The following KMT2C variants were observed in gnomAD, a reference collection of about 807,000 sequenced individuals.
The protein encoded by KMT2C is lysine methyltransferase 2C, also known as histone-lysine N-methyltransferase 2C.
In KMT2C, 88 loss-of-function variants were observed where a neutral mutation model predicts 507.9. The observed-to-expected ratio is 0.17, with a 90% confidence interval of 0.15 to 0.21. KMT2C has a LOEUF of 0.21. Among genes scored for constraint, KMT2C ranks in the 10% least tolerant of loss-of-function variants. The pLI is 1.00. For missense variants in KMT2C, 4,954 were observed against 5,957.8 expected (o/e 0.83, Z 5.55); for synonymous variants, 2,049 against 2,080.8 (o/e 0.98, Z 0.42).
chr7:152,181,754 G>T lies in KMT2C; in HGVS notation c.6106C>A (p.Leu2036Ile), dbSNP rs2129120284. 1 of 1,614,120 alleles carries T rather than the reference G, an allele frequency of 6.2e-7. No individual in the cohort carries two copies. Among genetic ancestry groups the T allele is most frequent in the Non-Finnish European group, 8.5e-7 (1 of 1,180,020 alleles). The change falls in exon 36 of 59, where the codon CTT becomes ATT. Residue 2036 changes from leucine (L) to isoleucine (I), a missense_variant. Transcript: ENST00000262189. The stretch of plus-strand genomic sequence containing the variant: ...TTAAAAGGTCCAGGACCACTATCAA[G>T]AGGTGCAGGTGTCAACAAGGGTCGT... ...YARPLLTPAP[L>I]DSGPGPFKTP...
Position 152,154,109 on chromosome 7 carries a change from T to G in KMT2C, c.12177A>C (p.Pro4059=), listed in dbSNP as rs932688264. The G allele has an allele frequency of 1.9e-6, 3 of 1,614,062 alleles. No individual in the cohort carries two copies. The African/African-American group carries it at 4.0e-5, about 22-fold the overall frequency. ...AAGGTGACGCAAAATATAAAGTGCC[T>G]GGCTCAGTTTTGATGTCATTCCTTC... The part of the protein sequence containing the change: ...ESRRNDIKTE[P]GTLYFASPFG... Residue 4059 remains proline (P), a synonymous_variant, in exon 48 of 59, where the codon CCA becomes CCC. Coordinates refer to ENST00000262189, the MANE Select transcript of KMT2C (RefSeq NM_170606.3).
chr7:152,281,409 C>G (rs1410089609), intron 6 of KMT2C, among the ~76,000 whole-genome samples: 1 of 152,092 alleles, frequency 6.6e-6, no homozygotes, highest in Non-Finnish European at 1.5e-5. Flanking sequence ...TTGCCAGCAG[C>G]TAAGCCAAGT....
intron 2 of KMT2C, among the ~76,000 whole-genome samples, chr7:152,344,721 CT>C: frequency 6.6e-6 from 1 of 152,286 alleles, no homozygotes; most frequent in Middle Eastern, 3.4e-3. Flanking sequence ...GGCATGGTGG[CT>C]CACGCCTGTA....
intron 6 of KMT2C, among the ~76,000 whole-genome samples, chr7:152,297,051 A>AGAC (rs2096514603): frequency 1.3e-4 from 8 of 60,272 alleles, no homozygotes; most frequent in African/African-American, 4.7e-4. Context: ...GAAAGAAAGA[A>AGAC]AGACAGAGAG....
At position 152,138,883 on chromosome 7, in the gene KMT2C, T is replaced by C; in HGVS notation, c.14556A>G (p.Ala4852=). The change falls in exon 58 of 59, where the codon GCA becomes GCG. Residue 4852 remains alanine, a synonymous_variant. Coordinates refer to ENST00000262189, the MANE Select transcript of KMT2C (RefSeq NM_170606.3). This position sits in a 1 kb window ranked among gnomAD's most constrained non-coding sequence, Gnocchi z 4.2. ...TCACCACTTCAGCCACACAATTAGG[T>C]GCACACGAATGGTTGATATACCTGC... ...GPARYINHSC[A]PNCVAEVVTF... is the part of the protein sequence containing the mutation. 1.2e-6 allele frequency: 2 copies of C among 1,613,790 alleles called. No individual in the cohort carries two copies. The highest frequency in any genetic ancestry group is 1.1e-5 in the South Asian group (1 of 91,066).
intron 6 of KMT2C, among the ~76,000 whole-genome samples, chr7:152,309,398 A>G (rs1347527793): frequency 1.4e-5 from 2 of 146,974 alleles, no homozygotes; most frequent in African/African-American, 5.1e-5. Flanking sequence ...ATCATGGCTC[A>G]CTGCAACCTC....
chr7:152,430,386 A>C (rs2097854465), intron 1 of KMT2C, among the ~76,000 whole-genome samples: 1 of 152,166 alleles, frequency 6.6e-6, no homozygotes, highest in Admixed American at 6.5e-5. Flanking sequence ...AAGTAAAGGC[A>C]AACACAAACT....
chr7:152,349,305 G>A (rs2097091134), intron 2 of KMT2C, among the ~76,000 whole-genome samples: 2 of 152,040 alleles, frequency 1.3e-5, no homozygotes, highest in Admixed American at 1.3e-4. Flanking sequence ...ATAGCCAGGT[G>A]TGGTGGTGCA....
chr7:152,197,887 TA>T (rs1051928206), intron 27 of KMT2C, among the ~76,000 whole-genome samples: 25 of 151,920 alleles, frequency 1.6e-4, no homozygotes, highest in African/African-American at 5.3e-4. Flanking sequence ...GGCCTTATTG[TA>T]AAACTGTTCT....
chr7:152,324,042 G>A (rs1456962168), intron 3 of KMT2C, among the ~76,000 whole-genome samples: 1 of 151,800 alleles, frequency 6.6e-6, no homozygotes, highest in Non-Finnish European at 1.5e-5. Context: ...GGTAAGGCAG[G>A]AAGAAGGAAA....
At chr7:152,220,411 T>C in intron 23 of KMT2C, 112 bp downstream of exon 23, 1 of 840,166 alleles carries the variant, frequency 1.2e-6, no homozygotes, top group Non-Finnish European at 1.9e-6. Flanking sequence ...ACATCAGGGG[T>C]TAACTAAGTC....
chr7:152,201,616 T>TG (rs201322395), intron 26 of KMT2C, among the ~76,000 whole-genome samples: 305 of 10,670 alleles, frequency 0.029, 17 homozygotes, highest in African/African-American at 0.14. Context: ...ACAACAAAGA[T>TG]GAAAAAAAAA....
At chr7:152,367,812 A>G (rs1347693467) in intron 1 of KMT2C, 7 of 922,622 alleles carry the variant, frequency 7.6e-6, no homozygotes, top group South Asian at 1.3e-5. Flanking sequence ...TCAGATGCCT[A>G]ATAGCAGGGT....
intron 16 of KMT2C, among the ~76,000 whole-genome samples, chr7:152,235,479 A>G (rs2095249110): frequency 6.6e-6 from 1 of 152,122 alleles, no homozygotes; most frequent in African/African-American, 2.4e-5. Context: ...TATTTGCAAT[A>G]CACATATAAA....
At chr7:152,323,761 G>C (rs1272424422) in intron 3 of KMT2C, among the ~76,000 whole-genome samples, 3 of 144,938 alleles carry the variant, frequency 2.1e-5, no homozygotes, top group African/African-American at 7.6e-5. Flanking sequence ...AGGGAGGGAA[G>C]GGGAGGTAGA....
intron 4 of KMT2C, among the ~76,000 whole-genome samples, chr7:152,312,731 A>G (rs73164512): frequency 0.048 from 7,293 of 152,296 alleles, 277 homozygotes; most frequent in East Asian, 0.096. Context: ...GGTATTATTT[A>G]AGACCATTAA....
At chr7:152,281,834 G>C (rs1190858133) in intron 6 of KMT2C, among the ~76,000 whole-genome samples, 2 of 152,094 alleles carry the variant, frequency 1.3e-5, no homozygotes, top group African/African-American at 4.8e-5. Context: ...AAGCAGAGAG[G>C]TTAAATATCC....
At chr7:152,159,665 G>A (rs1057050702) in intron 43 of KMT2C, among the ~76,000 whole-genome samples, 2 of 152,176 alleles carry the variant, frequency 1.3e-5, no homozygotes, top group Non-Finnish European at 2.9e-5. Context: ...TAAAGTCAAT[G>A]GGAGAGAACG....
At chr7:152,211,972 T>C (rs1230836452) in intron 23 of KMT2C, among the ~76,000 whole-genome samples, 1 of 152,038 alleles carries the variant, frequency 6.6e-6, no homozygotes, top group African/African-American at 2.4e-5. Context: ...GGCACGAACC[T>C]GGGAGGCAGA....
Sources: gnomAD v4.1 joint callset for allele counts (sites outside exome capture counted in the v4.1 genomes callset) on GRCh38, gnomAD v4.1.1 for gene constraint, Gnocchi (gnomAD v3.1) non-coding constraint, MANE v1.5 for transcripts, NCBI Gene and HGNC (gene_info 2026-07-23, HGNC 2026-07-21) for gene names.